The following DSTYK variants were observed in gnomAD, a reference collection of about 807,000 sequenced individuals.
The protein encoded by DSTYK is RIP-homologous kinase.
DSTYK carries 34 observed loss-of-function variants against 98.7 expected under a neutral mutation model. The ratio of observed to expected loss-of-function variants is 0.34; its 90% CI spans 0.26 to 0.46. The LOEUF (loss-of-function observed/expected upper bound fraction) is 0.46. Ranked by LOEUF, DSTYK falls within the 20% of genes least tolerant of loss-of-function variation. The probability of loss-of-function intolerance (pLI) is 1.00; values close to 1 mark genes in which losing one functional copy is unlikely to be tolerated. For synonymous variants in DSTYK, 462 were observed against 457.3 expected (o/e 1.01, Z -0.13); for missense variants, 962 against 1,181.7 (o/e 0.81, Z 2.73).
chr1:205,195,304 G>A (rs1658833457), intron 1 of DSTYK, among the ~76,000 whole-genome samples: 1 of 152,114 alleles, frequency 6.6e-6, no homozygotes, highest in Non-Finnish European at 1.5e-5. Context: ...TATACCAAAA[G>A]TAGAGAAAAG....
intron 3 of DSTYK, among the ~76,000 whole-genome samples, chr1:205,165,732 G>A (rs1558607034): frequency 6.6e-6 from 1 of 152,184 alleles, no homozygotes; most frequent in South Asian, 2.1e-4. Context: ...GTCCCAAGGT[G>A]TATATGTACA....
chr1:205,194,252 C>T (rs114013702), intron 1 of DSTYK, among the ~76,000 whole-genome samples: 111 of 152,294 alleles, frequency 7.3e-4, no homozygotes, highest in African/African-American at 2.6e-3. Flanking sequence ...GAAGTGTTGG[C>T]CATGACCCTC....
chr1:205,153,687 T>C lies in DSTYK; in HGVS notation c.2353-2893A>G, dbSNP rs190866762. Among the ~76,000 whole-genome samples the C allele has an allele frequency of 7.4e-3, 710 of 96,174 alleles. 5 individuals carry two copies. The highest frequency in any genetic ancestry group is 0.011 in the Non-Finnish European group (543 of 50,944). 63.1% of individuals were successfully genotyped at this position (96,174 alleles called of 152,430 possible). Reference sequence around the variant, plus strand: ...TAGGAGATACTTAGGAATAAAATGTTTTCTGTAACTTACTTTTTGTGTGTG... The same window carrying C: ...TAGGAGATACTTAGGAATAAAATGTCTTCTGTAACTTACTTTTTGTGTGTG... On this transcript the variant is annotated intron_variant, in intron 10 of 12. Transcript: ENST00000367162.
At chr1:205,185,781 T>C (rs1040649935) in intron 2 of DSTYK, among the ~76,000 whole-genome samples, 10 of 152,122 alleles carry the variant, frequency 6.6e-5, no homozygotes, top group Non-Finnish European at 1.3e-4. Context: ...CCCAGCACTT[T>C]GGGAGGTTGA....
chr1:205,163,034 T>A, intron 4 of DSTYK, 28 bp from the exon 5 acceptor site: 1 of 1,569,224 alleles, frequency 6.4e-7, no homozygotes, highest in Non-Finnish European at 8.8e-7. Flanking sequence ...AAAGAAAACA[T>A]GTCCTCAGTA....
Position 205,144,631 on chromosome 1 carries a change from A to T in DSTYK, c.*2927T>A, listed in dbSNP as rs749666664. ...ACTCAGCCTGCTGAGTATTTAAATA[A>T]CATCCCCAAATATCCATATGTGGAC... On this transcript the variant is annotated 3_prime_UTR_variant, in exon 13 of 13. Transcript: ENST00000367162. The T allele has an allele frequency of 6.6e-6, 1 of 152,584 alleles. No homozygotes were observed. Among genetic ancestry groups the T allele is most frequent in the African/African-American group, 2.4e-5 (1 of 41,452 alleles). 9.5% of individuals were successfully genotyped at this position (152,584 alleles called of 1,614,324 possible). A position where few individuals can be genotyped will look rare whatever the true frequency, so the allele number is the denominator to read the frequency against.
In DSTYK at chr1:205,150,852, G is replaced by T; in HGVS notation, c.2353-58C>A. 2 of 1,351,784 alleles carry T rather than the reference G, an allele frequency of 1.5e-6. No individual in the cohort carries two copies. Among genetic ancestry groups the T allele is most frequent in the Non-Finnish European group, 2.1e-6 (2 of 943,432 alleles). 83.7% of individuals were successfully genotyped at this position (1,351,784 alleles called of 1,614,324 possible). A position where few individuals can be genotyped will look rare whatever the true frequency, so the allele number is the denominator to read the frequency against. On this transcript the variant is annotated intron_variant, in intron 10 of 12. Transcript: ENST00000367162. This position sits in a 1 kb window ranked among gnomAD's most constrained non-coding sequence, Gnocchi z 4.1. ...TTCTGATCCTGCACACAGCACTGCT[G>T]CGTACCTAAGCTCAAAGGTAGGTAC...
At position 205,150,931 on chromosome 1, in the gene DSTYK, A is replaced by C. The variant is rs1327268102; in HGVS notation, c.2353-137T>G. ...TGCTCTGAAAATGAGTTGTCAGGTG[A>C]TTTCATCCTTGTACAAACACCAGAC... On this transcript the variant is annotated intron_variant, in intron 10 of 12. Transcript: ENST00000367162. The surrounding 1 kb of genome is among the most constrained non-coding windows in gnomAD (Gnocchi z 4.1). 5 of 723,386 alleles carry C rather than the reference A, an allele frequency of 6.9e-6. No individual in the cohort carries two copies. The East Asian group carries it at 1.4e-4, about 20-fold the overall frequency. 44.8% of individuals were successfully genotyped at this position (723,386 alleles called of 1,614,324 possible). A position where few individuals can be genotyped will look rare whatever the true frequency, so the allele number is the denominator to read the frequency against.
At position 205,147,178 on chromosome 1, in the gene DSTYK, A is replaced by C. The variant is rs931235302; in HGVS notation, c.*380T>G. 6.3e-6 allele frequency: 1 copy of C among 158,874 alleles called. No homozygotes were observed. The highest frequency in any genetic ancestry group is 1.4e-5 in the Non-Finnish European group (1 of 72,460). The allele number at this position is 158,874 out of a possible 1,614,324, so 9.8% of individuals were successfully genotyped here. A position where few individuals can be genotyped will look rare whatever the true frequency, so the allele number is the denominator to read the frequency against. ...TTCCTAGCTAGAGCCAAAAATCATG[A>C]GAATGAGATTTTTTAACACTATTGC... On this transcript the variant is annotated 3_prime_UTR_variant, in exon 13 of 13. Coordinates refer to ENST00000367162, the MANE Select transcript of DSTYK (RefSeq NM_015375.3).
rs1222446347 is a variant in DSTYK at position 205,211,460 on chromosome 1, C to G, written c.76G>C (p.Glu26Gln). The stretch of plus-strand genomic sequence containing the variant: ...TAGCGGCCGAAGCCCCGGCACAGCT[C>G]GCGGATCATTCCGCCGCCGCCGGGG... Reference protein sequence around the residue: ...PGPGGGGMIRELCRGFGRYRR... With the variant: ...PGPGGGGMIRQLCRGFGRYRR... Residue 26 changes from glutamate to glutamine, a missense_variant, in exon 1 of 13, where the codon GAG (glutamate) becomes CAG (glutamine). Transcript: ENST00000367162. 13 of 1,595,012 alleles carry G rather than the reference C, an allele frequency of 8.2e-6. No homozygotes were observed. Among genetic ancestry groups the G allele is most frequent in the Admixed American group, 5.1e-5 (3 of 58,888 alleles).
Position 205,163,859 on chromosome 1 carries a change from T to C in DSTYK, c.1421A>G (p.Gln474Arg). The change falls in exon 4 of 13, where the codon CAG becomes CGG. Residue 474 changes from glutamine to arginine, a missense_variant. Around this residue, in one of 4 missense-constraint regions of DSTYK, gnomAD observed 660 missense variants for 855.0 expected, o/e 0.77. Transcript: ENST00000367162. ...IQELIISRLN[Q>R]AVANKLISSV... ...GCTGATCAGCTTATTAGCCACTGCCTGATTAAGTCGGGAGATGATGAGTTC... is the reference window on the plus strand; with the variant it reads ...GCTGATCAGCTTATTAGCCACTGCCCGATTAAGTCGGGAGATGATGAGTTC... The C allele has an allele frequency of 6.2e-7, 1 of 1,614,192 alleles. No individual in the cohort carries two copies. Among genetic ancestry groups the C allele is most frequent in the Non-Finnish European group, 8.5e-7 (1 of 1,180,032 alleles).
intron 1 of DSTYK, among the ~76,000 whole-genome samples, chr1:205,194,909 G>A (rs1658819500): frequency 6.6e-6 from 1 of 151,670 alleles, no homozygotes; most frequent in Admixed American, 6.6e-5. Flanking sequence ...CTTGGGTCAG[G>A]GCAACCTCTA....
chr1:205,185,021 C>T (rs549476718), intron 2 of DSTYK, among the ~76,000 whole-genome samples: 1 of 151,812 alleles, frequency 6.6e-6, no homozygotes, highest in Non-Finnish European at 1.5e-5. Flanking sequence ...GCCAACATGG[C>T]GAAACCCCAT....
chr1:205,153,322 G>A (rs931462153), intron 10 of DSTYK, among the ~76,000 whole-genome samples: 1 of 152,088 alleles, frequency 6.6e-6, no homozygotes, highest in African/African-American at 2.4e-5. Flanking sequence ...GAGGGTTCAT[G>A]ACCATCTCAC....
chr1:205,206,614 G>T (rs1314497897), intron 1 of DSTYK, among the ~76,000 whole-genome samples: 1 of 135,880 alleles, frequency 7.4e-6, no homozygotes, highest in Non-Finnish European at 1.5e-5. Context: ...ACAGAGTCTT[G>T]CTTTGTCGCC....
Position 205,211,494 on chromosome 1 carries a change from C to G in DSTYK, c.42G>C (p.Ser14=), listed in dbSNP as rs140909469. ...DGVPWGSEPV[S]GPGPGGGGMI... ...TTCCGCCGCCGCCGGGGCCGGGACC[C>G]GAGACGGGCTCGCTGCCCCATGGCA... The change falls in exon 1 of 13, where the codon TCG becomes TCC. Residue 14 remains serine, a synonymous_variant. Transcript: ENST00000367162. The G allele has an allele frequency of 2.3e-3, 3,622 of 1,579,244 alleles. 70 individuals carry two copies. In the African/African-American group the frequency reaches 0.04, roughly 17 times the overall value.
At chr1:205,184,366 A>G (rs1391385674) in intron 2 of DSTYK, among the ~76,000 whole-genome samples, 1 of 152,012 alleles carries the variant, frequency 6.6e-6, no homozygotes, top group East Asian at 1.9e-4. Context: ...TGAGGTCAGT[A>G]GTTCCAGACC....
intron 9 of DSTYK, among the ~76,000 whole-genome samples, chr1:205,158,496 A>C (rs140058998): frequency 7.9e-5 from 12 of 152,252 alleles, no homozygotes; most frequent in Non-Finnish European, 1.6e-4. Flanking sequence ...TTTCACCTTC[A>C]CTCAAATAAA....
At chr1:205,176,476 TAAAAAAAAAAAAAA>T (rs61291677) in intron 2 of DSTYK, among the ~76,000 whole-genome samples, 4 of 43,188 alleles carry the variant, frequency 9.3e-5, no homozygotes, top group East Asian at 8.3e-4. Flanking sequence ...AACTCCCTCT[TAAAAAAAAAAAAAA>T]AAAAAAAAAA....
Sources: gnomAD v4.1 joint callset for allele counts (sites outside exome capture counted in the v4.1 genomes callset) on GRCh38, gnomAD v4.1.1 for gene constraint, gnomAD v4.1.1 regional missense constraint, Gnocchi (gnomAD v3.1) non-coding constraint, MANE v1.5 for transcripts, NCBI Gene and HGNC (gene_info 2026-07-23, HGNC 2026-07-21) for gene names.